CTNNA2: variants seen among roughly 807,000 people sequenced by gnomAD.
The protein encoded by CTNNA2 is catenin alpha 2.
In CTNNA2, 42 loss-of-function variants were observed where a neutral mutation model predicts 101.0. The observed-to-expected ratio is 0.42, with a 90% CI of 0.32 to 0.54. The LOEUF (loss-of-function observed/expected upper bound fraction) is 0.54, where lower values mean the gene tolerates loss of function less well. CTNNA2 is among the 20% of genes least tolerant of loss of function. CTNNA2 has a pLI of 0.14. For synonymous variants in CTNNA2, 450 were observed against 456.4 expected (o/e 0.99, Z 0.18); for missense variants, 871 against 1,223.1 (o/e 0.71, Z 4.29).
chr2:80,302,125 C>A lies in CTNNA2; in HGVS notation c.1057-91086C>A. The A allele has an allele frequency of 8.2e-7, 1 of 1,216,198 alleles. No individual in the cohort carries two copies. 75.3% of individuals were successfully genotyped at this position (1,216,198 alleles called of 1,614,324 possible). On this transcript the variant is annotated intron_variant, in intron 7 of 18. Transcript: ENST00000402739. This position sits in a 1 kb window ranked among gnomAD's most constrained non-coding sequence, Gnocchi z 6.4. ...AAATGTCAAGTCTCTGGGAGAGATC[C>A]CCTTAAAGTTTCAGTCAAGGAGCAT...
At chr2:80,079,428 C>T (rs958487978) in intron 7 of CTNNA2, among the ~76,000 whole-genome samples, 3 of 152,182 alleles carry the variant, frequency 2.0e-5, no homozygotes, top group Admixed American at 2.0e-4. Context: ...GGAGCTCCTA[C>T]TAAGCACTGT....
chr2:80,021,062 C>T (rs938779705), intron 7 of CTNNA2, among the ~76,000 whole-genome samples: 3 of 133,568 alleles, frequency 2.2e-5, no homozygotes, highest in South Asian at 2.4e-4. Flanking sequence ...AGTGCGGTGG[C>T]GTGATCTTGG....
chr2:79,288,940 AG>A (rs1675707913), intron 2 of CTNNA2, among the ~76,000 whole-genome samples: 1 of 151,772 alleles, frequency 6.6e-6, no homozygotes, highest in African/African-American at 2.4e-5. Context: ...AACAGAAAAA[AG>A]AAAACAAGTC....
intron 3 of CTNNA2, among the ~76,000 whole-genome samples, chr2:79,313,111 C>G (rs1040906457): frequency 2.0e-5 from 3 of 152,182 alleles, no homozygotes; most frequent in Non-Finnish European, 4.4e-5. Flanking sequence ...AAAACATCCT[C>G]AAGCCCTCCA....
intron 1 of CTNNA2, among the ~76,000 whole-genome samples, chr2:79,588,917 T>C (rs1032576011): frequency 2.6e-5 from 4 of 152,198 alleles, no homozygotes; most frequent in Non-Finnish European, 5.9e-5. Context: ...TTGGGTAAAT[T>C]AATGAAGGGA....
intron 7 of CTNNA2, among the ~76,000 whole-genome samples, chr2:80,244,324 G>A (rs963824028): frequency 5.7e-4 from 87 of 152,288 alleles, no homozygotes; most frequent in African/African-American, 1.9e-3. Context: ...TACCTTAGAC[G>A]ATTCTTAACA....
intron 1 of CTNNA2, chr2:79,523,370 T>C (rs1672224455): frequency 3.5e-6 from 1 of 281,718 alleles, no homozygotes; most frequent in Middle Eastern, 6.0e-4. Flanking sequence ...TGATGTTCTA[T>C]ACTTTATTTT....
At chr2:80,478,106 T>A (rs1685869898) in intron 9 of CTNNA2, among the ~76,000 whole-genome samples, 1 of 152,158 alleles carries the variant, frequency 6.6e-6, no homozygotes, top group Non-Finnish European at 1.5e-5. Flanking sequence ...TAAGGTGGTG[T>A]CTCACTATAG....
At chr2:79,204,859 GA>G (rs1674081763) in intron 2 of CTNNA2, among the ~76,000 whole-genome samples, 1 of 152,186 alleles carries the variant, frequency 6.6e-6, no homozygotes. Flanking sequence ...TTTCATAATG[GA>G]ATTAGTCAAC....
At chr2:79,508,934 A>T (rs1363561142), upstream of CTNNA2, among the ~76,000 whole-genome samples, 3 of 139,676 alleles carry the variant, frequency 2.1e-5, no homozygotes, top group African/African-American at 8.0e-5. Flanking sequence ...TTGAAAACAT[A>T]TATATATATT....
At chr2:79,967,735 T>C (rs577486513) in intron 7 of CTNNA2, among the ~76,000 whole-genome samples, 207 of 152,296 alleles carry the variant, frequency 1.4e-3, no homozygotes, top group Non-Finnish European at 2.4e-3. Flanking sequence ...CTCCAAAGAA[T>C]TGAACATAGT....
At chr2:79,456,244 G>T (rs944665364) in intron 4 of CTNNA2, among the ~76,000 whole-genome samples, 4 of 151,408 alleles carry the variant, frequency 2.6e-5, no homozygotes, top group Admixed American at 2.6e-4. Flanking sequence ...GTTAGACCTA[G>T]AAATATCTTA....
At chr2:79,562,142 G>T (rs2104137517) in intron 1 of CTNNA2, among the ~76,000 whole-genome samples, 1 of 151,838 alleles carries the variant, frequency 6.6e-6, no homozygotes, top group African/African-American at 2.4e-5. Context: ...TTCATATATG[G>T]TAGGCATCCA....
In CTNNA2 at chr2:79,579,956, C is replaced by T. The variant is rs77479677; in HGVS notation, c.-6+66749C>T. ...CTTCTGAACAAAGTTGCCACAAGCT[C>T]GGAGACCATCTGACACTGAAAAAGG... is the stretch of plus-strand genomic sequence containing the variant. On this transcript the variant is annotated intron_variant, in intron 1 of 18. Transcript: ENST00000402739. 5.3e-5 allele frequency among the ~76,000 whole-genome samples: 8 copies of T among 152,164 alleles called. No individual in the cohort carries two copies. The East Asian group carries it at 1.6e-3, about 30-fold the overall frequency.
intron 3 of CTNNA2, among the ~76,000 whole-genome samples, chr2:79,750,446 C>T (rs1671944860): frequency 6.6e-6 from 1 of 152,218 alleles, no homozygotes; most frequent in Non-Finnish European, 1.5e-5. Flanking sequence ...TAATCCCTTT[C>T]TTGCTTATCA....
At chr2:80,321,748 C>A (rs1678714869) in intron 7 of CTNNA2, among the ~76,000 whole-genome samples, 2 of 152,084 alleles carry the variant, frequency 1.3e-5, no homozygotes, top group South Asian at 4.1e-4. Flanking sequence ...CTTGTGGGCT[C>A]TGATGAATGA....
intron 7 of CTNNA2, among the ~76,000 whole-genome samples, chr2:80,375,559 C>G (rs1208744418): frequency 9.0e-6 from 1 of 111,076 alleles, no homozygotes; most frequent in African/African-American, 4.7e-5. Flanking sequence ...TGGTTTCTGG[C>G]TTCTTTTTTT....
chr2:80,264,778 A>C (rs952127150), intron 7 of CTNNA2, among the ~76,000 whole-genome samples: 68 of 152,164 alleles, frequency 4.5e-4, no homozygotes, highest in African/African-American at 1.6e-3. Context: ...ATACTGATAC[A>C]CAAAGATAGC....
intron 7 of CTNNA2, among the ~76,000 whole-genome samples, chr2:79,958,282 T>C (rs979383819): frequency 2.6e-5 from 4 of 152,208 alleles, no homozygotes; most frequent in African/African-American, 4.8e-5. Flanking sequence ...CTAATATCTA[T>C]GAATTAGTAA....
Sources: gnomAD v4.1 joint callset for allele counts (sites outside exome capture counted in the v4.1 genomes callset) on GRCh38, gnomAD v4.1.1 for gene constraint, Gnocchi (gnomAD v3.1) non-coding constraint, MANE v1.5 for transcripts, NCBI Gene and HGNC (gene_info 2026-07-23, HGNC 2026-07-21) for gene names.